CELF2: variants seen among roughly 807,000 people sequenced by gnomAD.
CELF2 encodes the protein CUGBP Elav-like family member 2, also known as CUG triplet repeat RNA-binding protein 2.
A neutral mutation model predicts 62.6 loss-of-function variants in CELF2; 8 were observed. The observed-to-expected ratio is 0.13, with a 90% CI of 0.07 to 0.23. The LOEUF is 0.23. Ranked by LOEUF, CELF2 falls within the 10% of genes least tolerant of loss-of-function variation. The pLI, the probability that CELF2 is intolerant of heterozygous loss-of-function variation, is 1.00. For synonymous variants in CELF2, 258 were observed against 250.0 expected, an observed-to-expected ratio of 1.03 and a Z score of -0.30; for missense variants, 333 against 671.0, an observed-to-expected ratio of 0.50 and a Z score of 5.56.
At chr10:10,561,799 G>T in the CELF2 span, among the ~76,000 whole-genome samples, 2 of 152,118 alleles carry the variant, frequency 1.3e-5, no homozygotes, top group South Asian at 2.1e-4. Context: ...TTCCTGGCTG[G>T]GTGTCTTCTA....
chr10:10,648,321 C>T, the CELF2 span, among the ~76,000 whole-genome samples: 1 of 152,206 alleles, frequency 6.6e-6, no homozygotes, highest in Non-Finnish European at 1.5e-5. Context: ...CCCTGAAGCA[C>T]TTCCTTTCAT....
chr10:10,659,896 A>C, the CELF2 span, among the ~76,000 whole-genome samples: 6 of 152,230 alleles, frequency 3.9e-5, no homozygotes, highest in Non-Finnish European at 5.9e-5. Flanking sequence ...GATTATCCAG[A>C]TGCCCTCAAG....
the CELF2 span, among the ~76,000 whole-genome samples, chr10:10,511,899 A>G: frequency 6.6e-6 from 1 of 152,154 alleles, no homozygotes; most frequent in African/African-American, 2.4e-5. Context: ...CCCTTTTCAA[A>G]TTGATTAAAA....
chr10:10,629,943 A>G, the CELF2 span, among the ~76,000 whole-genome samples: 2 of 151,124 alleles, frequency 1.3e-5, no homozygotes, highest in African/African-American at 2.4e-5. Context: ...TCTTGCTCCT[A>G]AAGGAGTTTT....
chr10:11,095,038 GTTGT>G (rs1390608721), intron 1 of CELF2, among the ~76,000 whole-genome samples: 5 of 152,238 alleles, frequency 3.3e-5, no homozygotes, highest in South Asian at 2.1e-4. Context: ...GATCTTGAAG[GTTGT>G]TTATCATTCC....
the CELF2 span, among the ~76,000 whole-genome samples, chr10:10,549,975 C>G: frequency 6.6e-6 from 1 of 152,146 alleles, no homozygotes; most frequent in Non-Finnish European, 1.5e-5. Flanking sequence ...CATGGAAGAA[C>G]TTGAAACACC....
the CELF2 span, among the ~76,000 whole-genome samples, chr10:10,746,358 G>A: frequency 6.6e-6 from 1 of 152,020 alleles, no homozygotes; most frequent in African/African-American, 2.4e-5. Flanking sequence ...TAGTCACCCC[G>A]TTTGCTTACA....
chr10:11,107,510 G>T (rs142960551), intron 1 of CELF2, among the ~76,000 whole-genome samples: 1 of 152,224 alleles, frequency 6.6e-6, no homozygotes, highest in African/African-American at 2.4e-5. Flanking sequence ...AGGAGGATTA[G>T]TTGTAGTTTG....
At chr10:10,713,626 G>A in the CELF2 span, among the ~76,000 whole-genome samples, 72 of 152,290 alleles carry the variant, frequency 4.7e-4, no homozygotes, top group African/African-American at 1.6e-3. Flanking sequence ...TCAAATTCTG[G>A]TATGCCATGC....
At chr10:10,572,190 A>G in the CELF2 span, among the ~76,000 whole-genome samples, 1 of 152,116 alleles carries the variant, frequency 6.6e-6, no homozygotes, top group Non-Finnish European at 1.5e-5. Context: ...TAAATTAAAT[A>G]TAAAGGGAAT....
At chr10:10,949,826 C>CAAAA (rs35952853) in intron 2 of CELF2, among the ~76,000 whole-genome samples, 4 of 82,226 alleles carry the variant, frequency 4.9e-5, no homozygotes, top group African/African-American at 8.7e-5. Context: ...ACACACACAC[C>CAAAA]AAAAAAAAAA....
At chr10:10,545,794 G>C in the CELF2 span, among the ~76,000 whole-genome samples, 1 of 152,182 alleles carries the variant, frequency 6.6e-6, no homozygotes, top group South Asian at 2.1e-4. Context: ...TAGGGTGATC[G>C]AGGGAGCAAA....
intron 4 of CELF2, among the ~76,000 whole-genome samples, chr10:11,251,616 A>G (rs1169374283): frequency 6.6e-6 from 1 of 151,534 alleles, no homozygotes; most frequent in African/African-American, 2.4e-5. Context: ...ATTTGACCCG[A>G]CTCCACGCTT....
Position 10,897,656 on chromosome 10 carries a change from T to C in CELF2, c.54-22308T>C, listed in dbSNP as rs56731089. 1.2e-3 allele frequency among the ~76,000 whole-genome samples: 177 copies of C among 152,158 alleles called. 2 individuals are homozygous for C. Among genetic ancestry groups the C allele is most frequent in the African/African-American group, 3.5e-3 (144 of 41,486 alleles). On this transcript the variant is annotated intron_variant, in intron 1 of 13. Coordinates refer to the CELF2 transcript ENST00000636488. The stretch of plus-strand genomic sequence containing the variant: ...AGCAGAGGCCAGCAATAGAGATGGG[T>C]CATCCAGGAAGGATCCATTCAGAAT...
the CELF2 span, among the ~76,000 whole-genome samples, chr10:10,598,329 T>A: frequency 6.6e-6 from 1 of 152,210 alleles, no homozygotes; most frequent in African/African-American, 2.4e-5. Flanking sequence ...CTGTCAGTCA[T>A]CCTTCTTCTA....
chr10:10,959,581 T>C (rs1052875262), intron 2 of CELF2, among the ~76,000 whole-genome samples: 8 of 152,206 alleles, frequency 5.3e-5, no homozygotes, highest in Admixed American at 6.5e-5. Context: ...AAACCAAACA[T>C]GGATGGCAGG....
the CELF2 span, among the ~76,000 whole-genome samples, chr10:10,785,443 T>C: frequency 2.6e-5 from 4 of 152,146 alleles, no homozygotes; most frequent in South Asian, 8.3e-4. Flanking sequence ...TTCAGCTCAA[T>C]TCACAATAGC....
Position 11,224,432 on chromosome 10 carries a change from G to A in CELF2, c.354+6925G>A, listed in dbSNP as rs966540906. On this transcript the variant is annotated intron_variant, in intron 3 of 12. Transcript: ENST00000633077. The surrounding 1 kb of genome is among the most constrained non-coding windows in gnomAD (Gnocchi z 4.5). Reference sequence around the variant, plus strand: ...ATTTCAGAGATAATCATTTCTCTACGACAGCCCAAGATTAAACTGGGAATA... The same window carrying A: ...ATTTCAGAGATAATCATTTCTCTACAACAGCCCAAGATTAAACTGGGAATA... Among the ~76,000 whole-genome samples the A allele has an allele frequency of 6.6e-5, 10 of 152,096 alleles. No homozygotes were observed. Among genetic ancestry groups the A allele is most frequent in the African/African-American group, 2.2e-4 (9 of 41,400 alleles).
At chr10:10,727,616 A>G in the CELF2 span, among the ~76,000 whole-genome samples, 1 of 152,124 alleles carries the variant, frequency 6.6e-6, no homozygotes, top group Non-Finnish European at 1.5e-5. Context: ...CTCTACCAAA[A>G]GTACAAAAAA....
Sources: allele counts gnomAD v4.1 joint callset (sites outside exome capture counted in the v4.1 genomes callset), GRCh38; gene constraint gnomAD v4.1.1; non-coding constraint Gnocchi (gnomAD v3.1); transcripts MANE v1.5; gene names NCBI Gene and HGNC (gene_info 2026-07-23, HGNC 2026-07-21).